Variants in DYNC1LI2 observed in about 807,000 individuals in gnomAD.
DYNC1LI2 encodes the protein dynein cytoplasmic 1 light intermediate chain 2.
DYNC1LI2 carries 19 observed loss-of-function variants against 57.8 expected under a neutral mutation model. That is an observed-to-expected ratio of 0.33 (90% CI 0.23 to 0.48). DYNC1LI2 has a LOEUF of 0.48. Among genes scored for constraint, DYNC1LI2 ranks in the 20% least tolerant of loss-of-function variants. The probability of loss-of-function intolerance (pLI) is 0.99; values close to 1 mark genes in which losing one functional copy is unlikely to be tolerated. For synonymous variants in DYNC1LI2, 256 were observed against 233.4 expected, an observed-to-expected ratio of 1.10 and a Z score of -0.88; for missense variants, 470 against 604.2, an observed-to-expected ratio of 0.78 and a Z score of 2.33.
intron 3 of DYNC1LI2, among the ~76,000 whole-genome samples, chr16:66,746,391 A>G (rs1023921340): frequency 6.6e-6 from 1 of 152,202 alleles, no homozygotes; most frequent in Non-Finnish European, 1.5e-5. Flanking sequence ...TGCAAAGTGT[A>G]TATTTATAAC....
At chr16:66,747,481 A>AGGT (rs1415136046) in intron 3 of DYNC1LI2, among the ~76,000 whole-genome samples, 1 of 152,126 alleles carries the variant, frequency 6.6e-6, no homozygotes, top group Non-Finnish European at 1.5e-5. Flanking sequence ...GGGGGACTAG[A>AGGT]GGTGGTAGGA....
Position 66,751,456 on chromosome 16 carries a change from C to A in DYNC1LI2, c.107+29G>T. Reference sequence around the variant, plus strand: ...TCCGGCCCAGAGGCCGCGCCCCCCACGGCCCGGCCCGACCGCCCGCGGCCT... The same window carrying A: ...TCCGGCCCAGAGGCCGCGCCCCCCAAGGCCCGGCCCGACCGCCCGCGGCCT... On this transcript the variant is annotated intron_variant, in intron 1 of 12. Transcript: ENST00000258198. This position sits in a 1 kb window ranked among gnomAD's most constrained non-coding sequence, Gnocchi z 5.2. The A allele has an allele frequency of 6.3e-7, 1 of 1,579,944 alleles. No homozygotes were observed. Among genetic ancestry groups the A allele is most frequent in the Non-Finnish European group, 8.6e-7 (1 of 1,167,146 alleles).
intron 2 of DYNC1LI2, among the ~76,000 whole-genome samples, chr16:66,750,976 C>T (rs1199880894): frequency 6.6e-6 from 1 of 152,202 alleles, no homozygotes; most frequent in South Asian, 2.1e-4. Flanking sequence ...CTACTAGCTT[C>T]CCCTCTCCAC....
intron 2 of DYNC1LI2, among the ~76,000 whole-genome samples, chr16:66,749,703 C>A (rs368222682): frequency 6.6e-6 from 1 of 152,146 alleles, no homozygotes; most frequent in African/African-American, 2.4e-5. Context: ...AAATATGATA[C>A]AATTAACCTA....
In DYNC1LI2 at chr16:66,723,600, T is replaced by TA. The variant is rs1471630627; in HGVS notation, c.*121dup. ...GCCAATGAAGTTTTTTTTTTTTTTT[T>TA]AAAGTTCATCTCCCCTGCCCCAAAA... is the stretch of plus-strand genomic sequence containing the variant. On this transcript the variant is annotated 3_prime_UTR_variant, in exon 13 of 13. Transcript: ENST00000258198. 2.6e-6 allele frequency: 2 copies of TA among 782,528 alleles called. No individual in the cohort carries two copies. Among genetic ancestry groups the TA allele is most frequent in the Non-Finnish European group, 2.0e-6 (1 of 498,454 alleles). The allele number at this position is 782,528 out of a possible 1,614,324, so 48.5% of individuals were successfully genotyped here. A position where few individuals can be genotyped will look rare whatever the true frequency, so the allele number is the denominator to read the frequency against.
chr16:66,747,901 T>A (rs2017966532), intron 3 of DYNC1LI2, among the ~76,000 whole-genome samples: 1 of 152,132 alleles, frequency 6.6e-6, no homozygotes, highest in African/African-American at 2.4e-5. Flanking sequence ...ATACACTTCA[T>A]CTTTAGGTTA....
In DYNC1LI2 at chr16:66,721,795, TA is replaced by T. The variant is rs1053496483; in HGVS notation, c.*1926del. On this transcript the variant is annotated 3_prime_UTR_variant, in exon 13 of 13. Transcript: ENST00000258198. ...ATAAAGACAAATTAAAATTTTGCAT[TA>T]AAATTTAAAATTATACCATATTCCT... The T allele has an allele frequency of 2.6e-5, 4 of 152,634 alleles. No individual in the cohort carries two copies. The highest frequency in any genetic ancestry group is 7.2e-5 in the African/African-American group (3 of 41,460). 9.5% of individuals were successfully genotyped at this position (152,634 alleles called of 1,614,324 possible).
At position 66,751,538 on chromosome 16, in the gene DYNC1LI2, C is replaced by T. The variant is rs761719866; in HGVS notation, c.54G>A (p.Ala18=). Residue 18 remains alanine (A), a synonymous_variant, in exon 1 of 13, where the codon GCG becomes GCA. Transcript: ENST00000258198. This position sits in a 1 kb window ranked among gnomAD's most constrained non-coding sequence, Gnocchi z 5.2. ...KKLLLGPNGP[A]VAAAGDLTSE... is the part of the protein sequence containing the mutation. Reference sequence around the variant, plus strand: ...TGGTCAGGTCGCCGGCGGCCGCCACCGCGGGCCCGTTGGGACCTAGCAGCA... The same window carrying T: ...TGGTCAGGTCGCCGGCGGCCGCCACTGCGGGCCCGTTGGGACCTAGCAGCA... 1.3e-6 allele frequency: 2 copies of T among 1,588,306 alleles called. No homozygotes were observed. Among genetic ancestry groups the T allele is most frequent in the South Asian group, 1.1e-5 (1 of 88,968 alleles).
Position 66,723,015 on chromosome 16 carries a change from G to A in DYNC1LI2, c.*707C>T. ...GACATAGCCTGGGCCAAGCACATGG[G>A]TCCTGGGCAGCTGCCATCGTTCCCA... On this transcript the variant is annotated 3_prime_UTR_variant, in exon 13 of 13. Transcript: ENST00000258198. The A allele has an allele frequency of 3.2e-6, 1 of 311,708 alleles. No individual in the cohort carries two copies. 19.3% of individuals were successfully genotyped at this position (311,708 alleles called of 1,614,324 possible).
chr16:66,744,279 T>C (rs1437316116), intron 3 of DYNC1LI2, among the ~76,000 whole-genome samples: 1 of 152,170 alleles, frequency 6.6e-6, no homozygotes, highest in African/African-American at 2.4e-5. Flanking sequence ...CTCAAACTCC[T>C]AGGCTCAAGC....
chr16:66,737,961 G>A (rs1298509556), intron 4 of DYNC1LI2, among the ~76,000 whole-genome samples: 1 of 152,174 alleles, frequency 6.6e-6, no homozygotes, highest in Non-Finnish European at 1.5e-5. Context: ...CAGTAAGACT[G>A]AAGGATCAAA....
At position 66,722,996 on chromosome 16, in the gene DYNC1LI2, G is replaced by GCCTGGGCCAAGCACATGGGT. The variant is rs1216153850; in HGVS notation, c.*706_*725dup. 3.8e-6 allele frequency: 1 copy of GCCTGGGCCAAGCACATGGGT among 262,558 alleles called. No homozygotes were observed. Among genetic ancestry groups the GCCTGGGCCAAGCACATGGGT allele is most frequent in the Non-Finnish European group, 7.6e-6 (1 of 132,140 alleles). The allele number at this position is 262,558 out of a possible 1,614,324, so 16.3% of individuals were successfully genotyped here. On this transcript the variant is annotated 3_prime_UTR_variant, in exon 13 of 13. Transcript: ENST00000258198. ...CCCCAGTACCTCTCACGAGGACATAGCCTGGGCCAAGCACATGGGTCCTGG... is the reference window on the plus strand; with the variant it reads ...CCCCAGTACCTCTCACGAGGACATAGCCTGGGCCAAGCACATGGGTCCTGGGCCAAGCACATGGGTCCTGG...
chr16:66,749,141 G>A (rs527844499), intron 3 of DYNC1LI2, 56 bp downstream of exon 3: 1 of 1,554,330 alleles, frequency 6.4e-7, no homozygotes, highest in East Asian at 2.2e-5. Flanking sequence ...TGCACCCAAG[G>A]AAGCAGTCAG....
chr16:66,728,539 C>T (rs936328824), intron 9 of DYNC1LI2, among the ~76,000 whole-genome samples: 1 of 152,194 alleles, frequency 6.6e-6, no homozygotes, highest in Admixed American at 6.5e-5. Flanking sequence ...GCTGACCTGC[C>T]TGTACCACTG....
rs754383868 is a variant in DYNC1LI2 at position 66,730,161 on chromosome 16, T to A, written c.992A>T (p.Lys331Met). The change falls in exon 8 of 13, where the codon AAG (lysine) becomes ATG (methionine). Residue 331 changes from lysine to methionine, a missense_variant. Lys to Met is a moderately conservative substitution (Grantham distance 95). Transcript: ENST00000258198. ...AILHENFTTV[K>M]PEDAYEDFIV... The stretch of plus-strand genomic sequence containing the variant: ...AAAGTCTTCATATGCATCTTCCGGC[T>A]TCACGGTTGTAAAATTTTCATGTAA... 2.0e-5 allele frequency: 32 copies of A among 1,614,008 alleles called. No individual in the cohort carries two copies. Among genetic ancestry groups the A allele is most frequent in the Non-Finnish European group, 1.4e-5 (16 of 1,180,018 alleles).
In DYNC1LI2 at chr16:66,732,381, A is replaced by C; in HGVS notation, c.887T>G (p.Phe296Cys). 1 of 1,614,040 alleles carries C rather than the reference A, an allele frequency of 6.2e-7. No individual in the cohort carries two copies. Residue 296 changes from phenylalanine to cysteine, a missense_variant, in exon 7 of 13, where the codon TTC (phenylalanine) becomes TGC (cysteine). Physicochemically the swap from Phe to Cys is radical, Grantham distance 205. Coordinates refer to ENST00000258198, the MANE Select transcript of DYNC1LI2 (RefSeq NM_006141.3). ...YIVHKTYGFH[F>C]TTPALVVEKD... ...TTCCACAACTAAGGCAGGTGTGGTG[A>C]AGTGGAAACCGTATGTTTTATGAAC...
At chr16:66,742,820 G>T in intron 3 of DYNC1LI2, 152 bp from the exon 4 acceptor site, 1 of 788,676 alleles carries the variant, frequency 1.3e-6, no homozygotes, top group Non-Finnish European at 2.0e-6. Context: ...AAGTGCCCAA[G>T]TGCTCAGGAG....
chr16:66,729,511 A>C (rs1046461081), intron 8 of DYNC1LI2, among the ~76,000 whole-genome samples: 2 of 151,650 alleles, frequency 1.3e-5, no homozygotes, highest in African/African-American at 4.8e-5. Flanking sequence ...AGGCCCTGGG[A>C]CTTACTACTC....
At chr16:66,736,882 A>C (rs1215008469) in intron 4 of DYNC1LI2, among the ~76,000 whole-genome samples, 3 of 152,224 alleles carry the variant, frequency 2.0e-5, no homozygotes, top group Non-Finnish European at 4.4e-5. Context: ...TGTATCTTAC[A>C]TTTTCAGAAT....
Sources: gnomAD v4.1 joint callset for allele counts (sites outside exome capture counted in the v4.1 genomes callset) on GRCh38, gnomAD v4.1.1 for gene constraint, Gnocchi (gnomAD v3.1) non-coding constraint, MANE v1.5 for transcripts, NCBI Gene and HGNC (gene_info 2026-07-23, HGNC 2026-07-21) for gene names.